The following GAB1 variants were observed in gnomAD, a reference collection of about 807,000 sequenced individuals.
GAB1 encodes the protein GRB2 associated binding protein 1.
A neutral mutation model predicts 66.5 loss-of-function variants in GAB1; 19 were observed. The ratio of observed to expected loss-of-function variants is 0.29; its 90% CI spans 0.20 to 0.42. The LOEUF (loss-of-function observed/expected upper bound fraction) is 0.42, where lower values mean the gene tolerates loss of function less well. GAB1 is among the 10% of genes least tolerant of loss of function. The pLI is 1.00. For missense variants in GAB1, 732 were observed against 858.5 expected, an observed-to-expected ratio of 0.85 and a Z score of 1.84; for synonymous variants, 294 against 301.4, an observed-to-expected ratio of 0.98 and a Z score of 0.25.
At chr4:143,466,328 A>G (rs1735784416) in intron 9 of GAB1, 103 bp downstream of exon 9, 3 of 1,182,684 alleles carry the variant, frequency 2.5e-6, no homozygotes, top group Non-Finnish European at 2.3e-6. Context: ...TATGTTTAAT[A>G]TAAATTTAGT....
intron 1 of GAB1, among the ~76,000 whole-genome samples, chr4:143,397,240 C>CA (rs1306078926): frequency 6.6e-6 from 1 of 151,934 alleles, no homozygotes; most frequent in African/African-American, 2.4e-5. Flanking sequence ...AAAAAACAAA[C>CA]AAAAAAATGA....
intron 1 of GAB1, among the ~76,000 whole-genome samples, chr4:143,412,099 ATTAT>A (rs373889817): frequency 1.7e-3 from 252 of 152,204 alleles, no homozygotes; most frequent in African/African-American, 5.7e-3. Flanking sequence ...TCATTTCTTG[ATTAT>A]TTATTTTAGT....
At chr4:143,374,145 AT>A (rs1560726171) in intron 1 of GAB1, among the ~76,000 whole-genome samples, 1 of 151,838 alleles carries the variant, frequency 6.6e-6, no homozygotes, top group Admixed American at 6.6e-5. Flanking sequence ...TCTAGATTAT[AT>A]GTATAACATC....
At chr4:143,365,018 C>T (rs1729822354) in intron 1 of GAB1, among the ~76,000 whole-genome samples, 1 of 151,652 alleles carries the variant, frequency 6.6e-6, no homozygotes, top group South Asian at 2.1e-4. Context: ...GCTGGGACTA[C>T]AGGCGCCCGC....
chr4:143,428,598 T>G (rs1378030199), intron 2 of GAB1, among the ~76,000 whole-genome samples: 1 of 152,128 alleles, frequency 6.6e-6, no homozygotes, highest in East Asian at 1.9e-4. Context: ...TCCCCTTAGC[T>G]TCTTCTGAGC....
chr4:143,438,606 C>A lies in GAB1; in HGVS notation c.1195+6C>A. 6.2e-7 allele frequency: 1 copy of A among 1,608,384 alleles called. No individual in the cohort carries two copies. On this transcript the variant is annotated splice_donor_region_variant and intron_variant, in intron 4 of 9. Coordinates refer to ENST00000262994, the MANE Select transcript of GAB1 (RefSeq NM_002039.4). ...TTTAAACAAATTGCGAAAAGGTCAG[C>A]TCTAGTTGACTTCTTCTCTATTAGA...
chr4:143,469,351 T>C lies in GAB1; in HGVS notation c.*162T>C. On this transcript the variant is annotated 3_prime_UTR_variant, in exon 10 of 10. Coordinates refer to ENST00000262994, the MANE Select transcript of GAB1 (RefSeq NM_002039.4). The stretch of plus-strand genomic sequence containing the variant: ...AATCAAGCAATTTAGACTTAAGTGG[T>C]GCTTTGTGGTATCTGAACAATTCAT... 2 of 641,982 alleles carry C rather than the reference T, an allele frequency of 3.1e-6. No homozygotes were observed. Among genetic ancestry groups the C allele is most frequent in the South Asian group, 4.2e-5 (2 of 48,112 alleles). The allele number at this position is 641,982 out of a possible 1,614,324, so 39.8% of individuals were successfully genotyped here.
At chr4:143,447,590 TC>T (rs1276011948) in intron 6 of GAB1, among the ~76,000 whole-genome samples, 1 of 152,224 alleles carries the variant, frequency 6.6e-6, no homozygotes, top group African/African-American at 2.4e-5. Flanking sequence ...GATTTGGCTC[TC>T]TGTTATTGGT....
chr4:143,419,903 T>C (rs936573587), intron 2 of GAB1, among the ~76,000 whole-genome samples: 1 of 152,170 alleles, frequency 6.6e-6, no homozygotes, highest in African/African-American at 2.4e-5. Context: ...TTCTGTAATT[T>C]TGGTTTTTGA....
intron 6 of GAB1, among the ~76,000 whole-genome samples, chr4:143,441,500 C>T (rs1426653179): frequency 6.6e-6 from 1 of 152,104 alleles, no homozygotes; most frequent in Non-Finnish European, 1.5e-5. Flanking sequence ...CTCAGACTAT[C>T]TTAAGAAAAA....
intron 1 of GAB1, among the ~76,000 whole-genome samples, chr4:143,410,103 A>C (rs1303267727): frequency 6.6e-6 from 1 of 151,660 alleles, no homozygotes; most frequent in Non-Finnish European, 1.5e-5. Flanking sequence ...CATTCAGGGC[A>C]GAGAACCCAT....
At chr4:143,463,953 A>T (rs1357043798) in intron 8 of GAB1, among the ~76,000 whole-genome samples, 2 of 152,192 alleles carry the variant, frequency 1.3e-5, no homozygotes, top group African/African-American at 4.8e-5. Flanking sequence ...AAATTTATGC[A>T]TTTCTTTTAT....
At chr4:143,342,659 C>G (rs1433875408) in intron 1 of GAB1, among the ~76,000 whole-genome samples, 1 of 138,790 alleles carries the variant, frequency 7.2e-6, no homozygotes, top group Non-Finnish European at 1.5e-5. Flanking sequence ...CCGGATTTAA[C>G]TGATTCTCCT....
chr4:143,395,341 T>G (rs1045471799), intron 1 of GAB1: 11 of 152,770 alleles, frequency 7.2e-5, no homozygotes, highest in African/African-American at 2.6e-4. Context: ...TATTTTTGAA[T>G]AAGTGAATGA....
chr4:143,359,258 T>C (rs552846674), intron 1 of GAB1, among the ~76,000 whole-genome samples: 2 of 152,176 alleles, frequency 1.3e-5, no homozygotes, highest in Non-Finnish European at 2.9e-5. Context: ...GACCCCCTCA[T>C]CCAGATGAGA....
At chr4:143,400,100 C>G (rs1731687142) in intron 1 of GAB1, among the ~76,000 whole-genome samples, 1 of 152,092 alleles carries the variant, frequency 6.6e-6, no homozygotes, top group Non-Finnish European at 1.5e-5. Flanking sequence ...ACCACCATGC[C>G]TGGCTCATTG....
At chr4:143,368,204 A>G (rs866904661) in intron 1 of GAB1, among the ~76,000 whole-genome samples, 2 of 152,216 alleles carry the variant, frequency 1.3e-5, no homozygotes, top group Middle Eastern at 3.4e-3. Flanking sequence ...AGCATTCCTA[A>G]CTACCTGGCA....
At chr4:143,454,730 A>G (rs1420129511) in intron 6 of GAB1, among the ~76,000 whole-genome samples, 1 of 152,102 alleles carries the variant, frequency 6.6e-6, no homozygotes, top group Non-Finnish European at 1.5e-5. Context: ...CCTCAACCCT[A>G]ATTTAGTTGG....
At chr4:143,398,656 G>A (rs1030813533) in intron 1 of GAB1, among the ~76,000 whole-genome samples, 2 of 151,768 alleles carry the variant, frequency 1.3e-5, no homozygotes, top group African/African-American at 4.8e-5. Context: ...TCATGGTAGG[G>A]GGTAGGTGGG....
Sources: allele counts gnomAD v4.1 joint callset (sites outside exome capture counted in the v4.1 genomes callset), GRCh38; gene constraint gnomAD v4.1.1; transcripts MANE v1.5; gene names NCBI Gene and HGNC (gene_info 2026-07-23, HGNC 2026-07-21).